The following EBF3 variants were observed in gnomAD, a reference collection of about 807,000 sequenced individuals.
EBF3 encodes transcription factor COE3.
EBF3 carries 18 observed loss-of-function variants against 77.1 expected under a neutral mutation model. That is an observed-to-expected ratio of 0.23 (90% CI 0.16 to 0.35). The LOEUF (loss-of-function observed/expected upper bound fraction) is 0.35. EBF3 is among the 10% of genes least tolerant of loss of function. The probability of loss-of-function intolerance (pLI) is 1.00; values close to 1 mark genes in which losing one functional copy is unlikely to be tolerated. For missense variants in EBF3, 558 were observed against 860.0 expected, an observed-to-expected ratio of 0.65 and a Z score of 4.39; for synonymous variants, 350 against 343.5, an observed-to-expected ratio of 1.02 and a Z score of -0.21.
intron 5 of EBF3, among the ~76,000 whole-genome samples, chr10:129,958,648 G>A (rs1256371175): frequency 6.6e-6 from 1 of 152,184 alleles, no homozygotes; most frequent in East Asian, 1.9e-4. Context: ...CCGGCACCGC[G>A]GACGGATGCA....
chr10:129,902,039 C>G (rs535303354), intron 6 of EBF3, among the ~76,000 whole-genome samples: 1 of 152,260 alleles, frequency 6.6e-6, no homozygotes, highest in South Asian at 2.1e-4. Flanking sequence ...TGAGGTGATG[C>G]TTTTAATACA....
chr10:129,865,935 A>G (rs762823028), intron 10 of EBF3, among the ~76,000 whole-genome samples: 22 of 152,132 alleles, frequency 1.4e-4, no homozygotes, highest in Non-Finnish European at 2.9e-4. Context: ...TGGCCACCCC[A>G]GGACACCAGG....
chr10:129,882,715 G>A (rs909794782), intron 6 of EBF3, among the ~76,000 whole-genome samples: 2 of 152,232 alleles, frequency 1.3e-5, no homozygotes, highest in African/African-American at 4.8e-5. Context: ...AAAAGCTGAT[G>A]AGATGCACTT....
rs1849614815 is a variant in EBF3, at chr10:129,836,488, G to A, written c.*1455C>T. On this transcript the variant is annotated 3_prime_UTR_variant, in exon 17 of 17. Transcript: ENST00000440978. Reference sequence around the variant, plus strand: ...ATCTACTAGGATTTGTCACGGCCGGGTGGCACCGATTTGTTTTGACTATAC... The same window carrying A: ...ATCTACTAGGATTTGTCACGGCCGGATGGCACCGATTTGTTTTGACTATAC... The A allele has an allele frequency of 6.6e-6, 1 of 152,512 alleles. No individual in the cohort carries two copies. The allele number at this position is 152,512 out of a possible 1,614,324, so 9.4% of individuals were successfully genotyped here.
intron 6 of EBF3, among the ~76,000 whole-genome samples, chr10:129,926,218 G>A (rs2134389439): frequency 1.3e-5 from 2 of 152,330 alleles, no homozygotes; most frequent in Middle Eastern, 3.4e-3. Context: ...TCTGACGGGT[G>A]CCAGTCCCGT....
chr10:129,871,690 G>A (rs1161155570), intron 8 of EBF3, among the ~76,000 whole-genome samples: 1 of 152,154 alleles, frequency 6.6e-6, no homozygotes, highest in Non-Finnish European at 1.5e-5. Flanking sequence ...CATAAGCCCT[G>A]CCATTTTTTT....
intron 6 of EBF3, among the ~76,000 whole-genome samples, chr10:129,951,524 C>T (rs1265527762): frequency 6.6e-6 from 1 of 152,236 alleles, no homozygotes; most frequent in African/African-American, 2.4e-5. Flanking sequence ...GACGGGAATC[C>T]GAGTTGGTGG....
chr10:129,877,095 G>A (rs1480693487), intron 7 of EBF3, among the ~76,000 whole-genome samples: 1 of 152,126 alleles, frequency 6.6e-6, no homozygotes, highest in Admixed American at 6.5e-5. Context: ...CTAAGCAGGT[G>A]CAGATCCCTC....
chr10:129,835,902 A>T lies in EBF3; in HGVS notation c.*2041T>A, dbSNP rs1395240659. The T allele has an allele frequency of 6.6e-6, 1 of 152,430 alleles. No individual in the cohort carries two copies. Among genetic ancestry groups the T allele is most frequent in the Non-Finnish European group, 1.5e-5 (1 of 68,010 alleles). The allele number at this position is 152,430 out of a possible 1,614,324, so 9.4% of individuals were successfully genotyped here. ...GTCTCACTGTGGGTTTGGCACTAAGAGGCACGATATCTGAAGGAGGTCATT... is the reference window on the plus strand; with the variant it reads ...GTCTCACTGTGGGTTTGGCACTAAGTGGCACGATATCTGAAGGAGGTCATT... On this transcript the variant is annotated 3_prime_UTR_variant, in exon 17 of 17. Coordinates refer to ENST00000440978, the MANE Select transcript of EBF3 (RefSeq NM_001375380.1).
intron 11 of EBF3, among the ~76,000 whole-genome samples, chr10:129,847,489 G>A (rs190400359): frequency 5.3e-5 from 8 of 152,308 alleles, no homozygotes; most frequent in Non-Finnish European, 1.0e-4. Flanking sequence ...TTGCTAGCAT[G>A]TTCACAAATT....
Position 129,963,782 on chromosome 10 carries a change from G to T in EBF3, c.-14C>A. On this transcript the variant is annotated 5_prime_UTR_variant, in exon 1 of 17. Coordinates refer to ENST00000440978, the MANE Select transcript of EBF3 (RefSeq NM_001375380.1). The surrounding 1 kb of genome is among the most constrained non-coding windows in gnomAD (Gnocchi z 7.1). Reference sequence around the variant, plus strand: ...AATCCCAAACATGAAAACTGCTGGCGGCGGCCGCAGCTCCCGGCCGAAAGC... The same window carrying T: ...AATCCCAAACATGAAAACTGCTGGCTGCGGCCGCAGCTCCCGGCCGAAAGC... The T allele has an allele frequency of 1.3e-6, 2 of 1,500,114 alleles. No homozygotes were observed. Among genetic ancestry groups the T allele is most frequent in the Non-Finnish European group, 9.0e-7 (1 of 1,114,526 alleles). 92.9% of individuals were successfully genotyped at this position (1,500,114 alleles called of 1,614,324 possible).
At chr10:129,951,249 C>T (rs1858654064) in intron 6 of EBF3, among the ~76,000 whole-genome samples, 1 of 152,222 alleles carries the variant, frequency 6.6e-6, no homozygotes, top group East Asian at 1.9e-4. Context: ...AACAGAACCT[C>T]GAGTTTGGAC....
intron 6 of EBF3, among the ~76,000 whole-genome samples, chr10:129,900,358 A>G (rs895707836): frequency 3.9e-5 from 6 of 152,172 alleles, no homozygotes; most frequent in Admixed American, 2.0e-4. Flanking sequence ...AGAGAAACGC[A>G]GAAAGACCGT....
At chr10:129,853,095 C>T (rs962246608) in intron 10 of EBF3, among the ~76,000 whole-genome samples, 2 of 152,198 alleles carry the variant, frequency 1.3e-5, no homozygotes, top group African/African-American at 4.8e-5. Context: ...AGCTGGAGAC[C>T]AGCCCAGCCA....
At chr10:129,851,837 C>T (rs1253719697) in intron 10 of EBF3, among the ~76,000 whole-genome samples, 1 of 152,206 alleles carries the variant, frequency 6.6e-6, no homozygotes, top group Non-Finnish European at 1.5e-5. Context: ...AAGATATTAA[C>T]ATTCCTCATT....
rs1853490790 is a variant in EBF3, at chr10:129,885,267, C to T, written c.555-7418G>A. 6.6e-6 allele frequency among the ~76,000 whole-genome samples: 1 copy of T among 152,078 alleles called. No homozygotes were observed. The highest frequency in any genetic ancestry group is 1.5e-5 in the Non-Finnish European group (1 of 68,014). Reference sequence around the variant, plus strand: ...TCAATATCCCCTTCCAGAACAGATCCCCGCCAAGTCCTCCGTTTGGAGAAA... The same window carrying T: ...TCAATATCCCCTTCCAGAACAGATCTCCGCCAAGTCCTCCGTTTGGAGAAA... On this transcript the variant is annotated intron_variant, in intron 6 of 16. Coordinates refer to ENST00000440978, the MANE Select transcript of EBF3 (RefSeq NM_001375380.1). The surrounding 1 kb of genome is among the most constrained non-coding windows in gnomAD (Gnocchi z 4.0).
intron 6 of EBF3, among the ~76,000 whole-genome samples, chr10:129,932,454 C>T (rs1857088595): frequency 6.6e-6 from 1 of 152,206 alleles, no homozygotes; most frequent in South Asian, 2.1e-4. Flanking sequence ...ATGGCTCCCT[C>T]TCAGAAAGGT....
At chr10:129,920,370 C>T (rs1200903605) in intron 6 of EBF3, among the ~76,000 whole-genome samples, 8 of 151,688 alleles carry the variant, frequency 5.3e-5, no homozygotes, top group South Asian at 2.1e-4. Flanking sequence ...CGGTCTAGGG[C>T]GAATATCTGC....
intron 16 of EBF3, 96 bp downstream of exon 16, chr10:129,838,987 A>G (rs1849813358): frequency 8.5e-7 from 1 of 1,174,414 alleles, no homozygotes; most frequent in Non-Finnish European, 1.1e-6. Context: ...GTGCCCGCTG[A>G]TGGCACGCAG....
Sources: gnomAD v4.1 joint callset for allele counts (sites outside exome capture counted in the v4.1 genomes callset) on GRCh38, gnomAD v4.1.1 for gene constraint, Gnocchi (gnomAD v3.1) non-coding constraint, MANE v1.5 for transcripts, NCBI Gene and HGNC (gene_info 2026-07-23, HGNC 2026-07-21) for gene names.